TNN: variants seen among roughly 807,000 people sequenced by gnomAD.
TNN encodes tenascin N.
TNN carries 122 observed loss-of-function variants against 134.4 expected under a neutral mutation model. That is an observed-to-expected ratio of 0.91 (90% confidence interval 0.78 to 1.06). The LOEUF (loss-of-function observed/expected upper bound fraction) is 1.06. Among genes scored for constraint, TNN ranks in the 50% least tolerant of loss-of-function variants. TNN has a pLI of 0.00. For missense variants in TNN, 1,739 were observed against 1,699.4 expected (o/e 1.02, Z -0.41); for synonymous variants, 710 against 670.3 (o/e 1.06, Z -0.91).
At chr1:175,136,064 G>A in intron 16 of TNN, 123 bp downstream of exon 16, 2 of 704,246 alleles carry the variant, frequency 2.8e-6, no homozygotes, top group African/African-American at 1.8e-5. Flanking sequence ...GGGAGACAGA[G>A]GACTGTGCCG....
chr1:175,093,484 T>C (rs1211378788), intron 6 of TNN, among the ~76,000 whole-genome samples: 1 of 152,192 alleles, frequency 6.6e-6, no homozygotes, highest in Non-Finnish European at 1.5e-5. Flanking sequence ...TGCTGTTGAA[T>C]GAATGAAGTG....
rs370669454 is a variant in TNN at position 175,098,537 on chromosome 1, C to T, written c.2061C>T (p.His687=). ...GACCGGGTATGGAGTACATGGTGCA[C>T]GTGTGGGCCCAGAAGGGGGACCAGG... ...GLRPGMEYMV[H]VWAQKGDQES... Residue 687 remains histidine (H), a synonymous_variant, in exon 9 of 19, where the codon CAC becomes CAT. Coordinates refer to ENST00000239462, the MANE Select transcript of TNN (RefSeq NM_022093.2). The T allele has an allele frequency of 1.6e-4, 261 of 1,613,966 alleles. No homozygotes were observed. The highest frequency in any genetic ancestry group is 2.0e-4 in the Non-Finnish European group (232 of 1,179,968).
chr1:175,094,062 T>C lies in TNN; in HGVS notation c.1397T>C (p.Val466Ala). 1 of 1,614,188 alleles carries C rather than the reference T, an allele frequency of 6.2e-7. No homozygotes were observed. The highest frequency in any genetic ancestry group is 1.7e-4 in the Middle Eastern group (1 of 6,060). ...EDTATVSWDP[V>A]QAVIDKYVVR... is the part of the protein sequence containing the mutation. Reference sequence around the variant, plus strand: ...ACAGCAACTGTCTCCTGGGACCCAGTGCAGGCTGTCATAGACAAGTATGTA... The same window carrying C: ...ACAGCAACTGTCTCCTGGGACCCAGCGCAGGCTGTCATAGACAAGTATGTA... The change falls in exon 7 of 19, where the codon GTG becomes GCG. Residue 466 changes from valine to alanine, a missense_variant. By Grantham distance (64) the Val-to-Ala change is moderately conservative. Transcript: ENST00000239462.
intron 1 of TNN, among the ~76,000 whole-genome samples, chr1:175,071,538 C>T (rs764848763): frequency 2.0e-5 from 3 of 152,236 alleles, no homozygotes; most frequent in Non-Finnish European, 2.9e-5. Context: ...TCATCCTTGG[C>T]ACCACTCAGA....
Position 175,147,214 on chromosome 1 carries a change from C to T in TNN, c.*143C>T. 1 of 861,054 alleles carries T rather than the reference C, an allele frequency of 1.2e-6. No homozygotes were observed. The highest frequency in any genetic ancestry group is 1.6e-6 in the Non-Finnish European group (1 of 618,340). 53.3% of individuals were successfully genotyped at this position (861,054 alleles called of 1,614,324 possible). A position where few individuals can be genotyped will look rare whatever the true frequency, so the allele number is the denominator to read the frequency against. On this transcript the variant is annotated 3_prime_UTR_variant, in exon 19 of 19. Coordinates refer to ENST00000239462, the MANE Select transcript of TNN (RefSeq NM_022093.2). ...ACCAAGCTTCAAGCCATGGAGGTTCCTTCCCTCTCACCTGCATTTTTGCCC... is the reference window on the plus strand; with the variant it reads ...ACCAAGCTTCAAGCCATGGAGGTTCTTTCCCTCTCACCTGCATTTTTGCCC...
intron 9 of TNN, among the ~76,000 whole-genome samples, chr1:175,098,935 A>G (rs1674646232): frequency 6.6e-6 from 1 of 152,162 alleles, no homozygotes; most frequent in Non-Finnish European, 1.5e-5. Flanking sequence ...AGACTTAGGG[A>G]TTGTGATCAA....
In TNN at chr1:175,123,424, T is replaced by C. The variant is rs775349596; in HGVS notation, c.2675T>C (p.Val892Ala). The change falls in exon 12 of 19, where the codon GTG (valine) becomes GCG (alanine). Residue 892 changes from valine (V) to alanine (A), a missense_variant. Coordinates refer to ENST00000239462, the MANE Select transcript of TNN (RefSeq NM_022093.2). ...GAAATTGACGGCCCCAAAAACCTAGTGACTGACTGGGTGACGGAGAATATG... is the reference window on the plus strand; with the variant it reads ...GAAATTGACGGCCCCAAAAACCTAGCGACTGACTGGGTGACGGAGAATATG... ...QTEIDGPKNL[V>A]TDWVTENMAT... The C allele has an allele frequency of 6.2e-7, 1 of 1,614,008 alleles. No homozygotes were observed. The highest frequency in any genetic ancestry group is 8.5e-7 in the Non-Finnish European group (1 of 1,180,018).
Position 175,107,390 on chromosome 1 carries a change from C to T in TNN, c.2119+8795C>T, listed in dbSNP as rs566796021. 3.9e-4 allele frequency among the ~76,000 whole-genome samples: 56 copies of T among 143,166 alleles called. 5 individuals carry two copies. In the South Asian group the frequency reaches 7.0e-3, roughly 18 times the overall value. The allele number at this position is 143,166 out of a possible 152,430, so 93.9% of individuals were successfully genotyped here. A position where few individuals can be genotyped will look rare whatever the true frequency, so the allele number is the denominator to read the frequency against. ...CGGAGTTTCTTCCTTCTGGTGGGTT[C>T]GTGGTCTCGCTGGCTCAGGAGTGAA... On this transcript the variant is annotated intron_variant, in intron 9 of 18. Coordinates refer to ENST00000239462, the MANE Select transcript of TNN (RefSeq NM_022093.2).
In TNN at chr1:175,147,166, T is replaced by C; in HGVS notation, c.*95T>C. 8.2e-7 allele frequency: 1 copy of C among 1,217,688 alleles called. No individual in the cohort carries two copies. The highest frequency in any genetic ancestry group is 2.4e-5 in the South Asian group (1 of 42,260). The allele number at this position is 1,217,688 out of a possible 1,614,324, so 75.4% of individuals were successfully genotyped here. ...TCACTGCGGTCTGGGAGTGCTCAGA[T>C]AGCCCGCAGAACAAATCATGTCACC... On this transcript the variant is annotated 3_prime_UTR_variant, in exon 19 of 19. Transcript: ENST00000239462.
intron 15 of TNN, among the ~76,000 whole-genome samples, 194 bp downstream of exon 15, chr1:175,128,940 A>G (rs1046346469): frequency 2.0e-5 from 3 of 152,160 alleles, no homozygotes; most frequent in Non-Finnish European, 4.4e-5. Flanking sequence ...TCCAGATCCC[A>G]AGAGAAGGTT....
rs185768691 is a variant in TNN at position 175,128,131 on chromosome 1, C to G, written c.3145C>G (p.Arg1049Gly). ...CCTTGTTGCCTTTAAGGGTGGTCGCCGGAGCAGAAATGTATCCACCACCCT... is the reference window on the plus strand; with the variant it reads ...CCTTGTTGCCTTTAAGGGTGGTCGCGGGAGCAGAAATGTATCCACCACCCT... ...VSLVAFKGGR[R>G]SRNVSTTLST... The change falls in exon 14 of 19, where the codon CGG becomes GGG. Residue 1049 changes from arginine (R) to glycine (G), a missense_variant. Arg to Gly is a moderately radical substitution (Grantham distance 125). Transcript: ENST00000239462. 1 of 1,611,684 alleles carries G rather than the reference C, an allele frequency of 6.2e-7. No individual in the cohort carries two copies. The highest frequency in any genetic ancestry group is 1.1e-5 in the South Asian group (1 of 90,852).
At chr1:175,133,468 C>T (rs770125434) in intron 15 of TNN, among the ~76,000 whole-genome samples, 8 of 152,342 alleles carry the variant, frequency 5.3e-5, no homozygotes, top group Middle Eastern at 3.4e-3. Context: ...GCCTCCTGTT[C>T]CTTGAGCTCT....
rs1453316363 is a variant in TNN, at chr1:175,102,470, G to A, written c.2119+3875G>A. ...GGCGGGAAGGCAGCTAAGGCTCGGC[G>A]AGAAATCGAGCGCAGTGCCGGTGGG... On this transcript the variant is annotated intron_variant, in intron 9 of 18. Transcript: ENST00000239462. 4.8e-5 allele frequency among the ~76,000 whole-genome samples: 7 copies of A among 145,972 alleles called. 2 individuals carry two copies. In the East Asian group the frequency reaches 6.9e-4, roughly 14 times the overall value.
intron 4 of TNN, among the ~76,000 whole-genome samples, chr1:175,081,679 C>A (rs909119895): frequency 2.0e-5 from 3 of 152,124 alleles, no homozygotes; most frequent in African/African-American, 7.2e-5. Flanking sequence ...CCAGGAGCAC[C>A]CCTGTAGTTG....
At chr1:175,103,198 A>G (rs905695302) in intron 9 of TNN, among the ~76,000 whole-genome samples, 3 of 146,504 alleles carry the variant, frequency 2.0e-5, no homozygotes, top group Non-Finnish European at 4.6e-5. Context: ...GAAAGGGGAG[A>G]AGCCATGTTG....
intron 11 of TNN, 129 bp from the exon 12 acceptor site, chr1:175,123,271 A>T: frequency 9.0e-7 from 1 of 1,107,958 alleles, no homozygotes. Context: ...GGGGCCTTTG[A>T]CTCGTGTTTT....
At chr1:175,117,275 C>T in intron 10 of TNN, 70 bp downstream of exon 10, 1 of 1,594,104 alleles carries the variant, frequency 6.3e-7, no homozygotes, top group Non-Finnish European at 8.5e-7. Context: ...GTTTTGTTTT[C>T]CTTCTCTGAC....
chr1:175,119,383 G>A (rs1215989941), intron 11 of TNN, among the ~76,000 whole-genome samples: 3 of 152,200 alleles, frequency 2.0e-5, no homozygotes, highest in African/African-American at 4.8e-5. Flanking sequence ...TGCCATCTTC[G>A]TTTTGGTGGG....
At chr1:175,100,333 C>T (rs772098426) in intron 9 of TNN, among the ~76,000 whole-genome samples, 1 of 152,222 alleles carries the variant, frequency 6.6e-6, no homozygotes, top group Non-Finnish European at 1.5e-5. Flanking sequence ...TGCTGACTGC[C>T]CCTGGTTGAG....
Sources: gnomAD v4.1 joint callset for allele counts (sites outside exome capture counted in the v4.1 genomes callset) on GRCh38, gnomAD v4.1.1 for gene constraint, MANE v1.5 for transcripts, NCBI Gene and HGNC (gene_info 2026-07-23, HGNC 2026-07-21) for gene names.